SPAG16: variants seen among roughly 807,000 people sequenced by gnomAD.
The protein encoded by SPAG16 is sperm associated antigen 16.
Under a neutral mutation model 80.4 loss-of-function variants are expected in SPAG16, and 86 were observed. The observed-to-expected ratio is 1.07, with a 90% CI of 0.90 to 1.28. SPAG16 has a LOEUF of 1.28. SPAG16 is among the 50% of genes most tolerant of loss of function. The pLI, the probability that SPAG16 is intolerant of heterozygous loss-of-function variation, is 0.00. For missense variants in SPAG16, 870 were observed against 765.3 expected (o/e 1.14, Z -1.61); for synonymous variants, 294 against 265.9 (o/e 1.11, Z -1.03).
chr2:214,384,382 G>A (rs1284648680), intron 15 of SPAG16, among the ~76,000 whole-genome samples: 1 of 152,140 alleles, frequency 6.6e-6, no homozygotes, highest in Non-Finnish European at 1.5e-5. Context: ...GAAACATGAG[G>A]TGAAGAAAGT....
chr2:213,641,176 A>G (rs2062575292), intron 10 of SPAG16, among the ~76,000 whole-genome samples: 1 of 152,086 alleles, frequency 6.6e-6, no homozygotes, highest in Non-Finnish European at 1.5e-5. Flanking sequence ...GAAGGGAATT[A>G]AGGCTGCCTC....
intron 9 of SPAG16, among the ~76,000 whole-genome samples, chr2:213,439,056 T>C (rs1380823047): frequency 6.6e-6 from 1 of 152,204 alleles, no homozygotes. Flanking sequence ...ACTCGGAGAC[T>C]CAGATGAGAA....
chr2:214,148,662 A>G (rs2055787396), intron 14 of SPAG16, among the ~76,000 whole-genome samples: 1 of 15,244 alleles, frequency 6.6e-5, no homozygotes, highest in Non-Finnish European at 2.0e-4. Flanking sequence ...TGAGGTATAA[A>G]TTATCAATGC....
intron 11 of SPAG16, among the ~76,000 whole-genome samples, chr2:213,907,509 A>G (rs960657481): frequency 6.6e-6 from 1 of 152,116 alleles, no homozygotes; most frequent in Non-Finnish European, 1.5e-5. Flanking sequence ...GAACTGCCAT[A>G]TAACTCAGCA....
At chr2:214,359,780 T>C (rs1205064169) in intron 15 of SPAG16, among the ~76,000 whole-genome samples, 1 of 151,890 alleles carries the variant, frequency 6.6e-6, no homozygotes, top group Non-Finnish European at 1.5e-5. Context: ...GTAGTGTCAA[T>C]TTGCTCTAAT....
intron 15 of SPAG16, among the ~76,000 whole-genome samples, chr2:214,360,905 T>G (rs749145535): frequency 9.9e-5 from 15 of 151,726 alleles, no homozygotes; most frequent in Non-Finnish European, 1.8e-4. Flanking sequence ...GTAGTCAATT[T>G]TAGAGGAAGA....
At chr2:214,206,273 CTT>C (rs1299704456) in intron 15 of SPAG16, among the ~76,000 whole-genome samples, 2 of 152,124 alleles carry the variant, frequency 1.3e-5, no homozygotes, top group African/African-American at 4.8e-5. Flanking sequence ...CTCCTTATCT[CTT>C]TCTCCCACTC....
At chr2:213,353,814 A>AT (rs1289152528) in intron 7 of SPAG16, among the ~76,000 whole-genome samples, 11 of 152,144 alleles carry the variant, frequency 7.2e-5, no homozygotes, top group Non-Finnish European at 1.0e-4. Flanking sequence ...ATTTACACCT[A>AT]TTTGCACAGG....
Position 213,525,693 on chromosome 2 carries a change from A to T in SPAG16, c.1070+35603A>T, listed in dbSNP as rs528884300. On this transcript the variant is annotated intron_variant, in intron 10 of 15. Transcript: ENST00000331683. ...AATCTGATAATGTTACAATTTTTAA[A>T]TAACTAATTTTCTACATCACTTCTT... Among the ~76,000 whole-genome samples the T allele has an allele frequency of 3.6e-4, 55 of 152,268 alleles. 1 individual carries two copies. In the South Asian group the frequency reaches 0.011, roughly 31 times the overall value.
rs990857616 is a variant in SPAG16 at position 213,792,812 on chromosome 2, A to G, written c.1071-69673A>G. 1.6e-4 allele frequency among the ~76,000 whole-genome samples: 25 copies of G among 152,044 alleles called. 1 individual carries two copies. Among genetic ancestry groups the G allele is most frequent in the African/African-American group, 5.5e-4 (23 of 41,490 alleles). On this transcript the variant is annotated intron_variant, in intron 10 of 15. Transcript: ENST00000331683. Reference sequence around the variant, plus strand: ...TGCCACATCTCTAAAACTGGCCTCCATCTTGCCAGTGCTTCTCATCTGAGT... The same window carrying G: ...TGCCACATCTCTAAAACTGGCCTCCGTCTTGCCAGTGCTTCTCATCTGAGT...
At chr2:213,710,632 T>TTA (rs1401723958) in intron 10 of SPAG16, among the ~76,000 whole-genome samples, 7 of 152,186 alleles carry the variant, frequency 4.6e-5, no homozygotes, top group Non-Finnish European at 8.8e-5. Flanking sequence ...TCAACACACT[T>TTA]TAGTAACATG....
chr2:214,059,198 A>ATATATGTATGTG (rs769129397), intron 13 of SPAG16, among the ~76,000 whole-genome samples: 49 of 51,178 alleles, frequency 9.6e-4, no homozygotes, highest in Non-Finnish European at 1.4e-3. Context: ...ATATATATAT[A>ATATATGTATGTG]TATATATATA....
intron 12 of SPAG16, among the ~76,000 whole-genome samples, chr2:213,962,515 C>T (rs902963274): frequency 2.0e-5 from 3 of 152,194 alleles, no homozygotes; most frequent in South Asian, 2.1e-4. Flanking sequence ...GAGAGAAAGA[C>T]GGCAAGGGTA....
rs1491251658 is a variant in SPAG16, at chr2:213,468,503, A to ATATATCTAT, written c.943-21460_943-21459insTATATCTAT. 1.2e-4 allele frequency among the ~76,000 whole-genome samples: 9 copies of ATATATCTAT among 72,262 alleles called. 1 individual carries two copies. The highest frequency in any genetic ancestry group is 2.8e-4 in the African/African-American group (7 of 25,244). 47.4% of individuals were successfully genotyped at this position (72,262 alleles called of 152,430 possible). ...TAGATATATATATGTATTTATATAT[A>ATATATCTAT]GATATATATATATCTATGTATTTAT... On this transcript the variant is annotated intron_variant, in intron 9 of 15. Coordinates refer to ENST00000331683, the MANE Select transcript of SPAG16 (RefSeq NM_024532.5).
chr2:213,874,949 A>T (rs12613522), intron 11 of SPAG16, among the ~76,000 whole-genome samples: 110 of 152,118 alleles, frequency 7.2e-4, no homozygotes, highest in Non-Finnish European at 1.3e-3. Flanking sequence ...TTATAGAAAT[A>T]TTATTTTTTA....
intron 14 of SPAG16, among the ~76,000 whole-genome samples, chr2:214,117,370 G>C (rs1420839635): frequency 6.6e-6 from 1 of 152,120 alleles, no homozygotes; most frequent in Non-Finnish European, 1.5e-5. Flanking sequence ...ACAGTTGCCT[G>C]TCAAAGAAAA....
At chr2:213,897,888 C>A (rs565812363) in intron 11 of SPAG16, among the ~76,000 whole-genome samples, 1 of 152,294 alleles carries the variant, frequency 6.6e-6, no homozygotes, top group East Asian at 1.9e-4. Flanking sequence ...AGCAATCATC[C>A]TCCTATAAAA....
At chr2:214,345,220 C>T (rs1007068781) in intron 15 of SPAG16, among the ~76,000 whole-genome samples, 1 of 152,014 alleles carries the variant, frequency 6.6e-6, no homozygotes, top group Admixed American at 6.6e-5. Context: ...TGGATTTTGA[C>T]AGCTTTTTGC....
At chr2:213,833,473 A>ATATTATATATATTATATATATTATAT (rs1431535446) in intron 10 of SPAG16, among the ~76,000 whole-genome samples, 1 of 6,754 alleles carries the variant, frequency 1.5e-4, no homozygotes, top group African/African-American at 4.7e-4. Flanking sequence ...TATTATATAT[A>ATATTATATATATTATATATATTATAT]ATAATATATA....
Sources: allele counts gnomAD v4.1 joint callset (sites outside exome capture counted in the v4.1 genomes callset), GRCh38; gene constraint gnomAD v4.1.1; transcripts MANE v1.5; gene names NCBI Gene and HGNC (gene_info 2026-07-23, HGNC 2026-07-21).